WNT5A: variants seen among roughly 807,000 people sequenced by gnomAD.
WNT5A encodes the protein protein Wnt-5a.
WNT5A carries 9 observed loss-of-function variants against 42.1 expected under a neutral mutation model. The observed-to-expected ratio is 0.21, with a 90% CI of 0.13 to 0.37. The LOEUF (loss-of-function observed/expected upper bound fraction) is 0.37, where lower values mean the gene tolerates loss of function less well. Among genes scored for constraint, WNT5A ranks in the 10% least tolerant of loss-of-function variants. The pLI, the probability that WNT5A is intolerant of heterozygous loss-of-function variation, is 1.00. For missense variants in WNT5A, 426 were observed against 534.0 expected (o/e 0.80, Z 1.99); for synonymous variants, 210 against 210.0 (o/e 1.00, Z 0.00).
chr3:55,503,554 G>T, the WNT5A span, among the ~76,000 whole-genome samples: 1 of 152,220 alleles, frequency 6.6e-6, no homozygotes, highest in Admixed American at 6.5e-5. Flanking sequence ...GGTGAAGTTG[G>T]CCAGGTGTAA....
At chr3:55,472,431 T>C (rs1034504407) in intron 4 of WNT5A, among the ~76,000 whole-genome samples, 1 of 152,174 alleles carries the variant, frequency 6.6e-6, no homozygotes, top group Non-Finnish European at 1.5e-5. Flanking sequence ...TTTGAGGCAT[T>C]TCTGATCTGA....
intron 2 of WNT5A, among the ~76,000 whole-genome samples, chr3:55,479,785 CAGTT>C (rs1198735594): frequency 6.6e-6 from 1 of 152,166 alleles, no homozygotes; most frequent in Non-Finnish European, 1.5e-5. Flanking sequence ...TCTGGCTCCT[CAGTT>C]AGTATTTTCA....
chr3:55,489,293 G>GCGCGCGCACACA (rs1305251700), upstream of WNT5A: 1 of 148,590 alleles, frequency 6.7e-6, no homozygotes, highest in Admixed American at 6.7e-5. Context: ...ACACACGCGC[G>GCGCGCGCACACA]CACACACACA....
At chr3:55,478,354 G>A (rs540249955) in intron 3 of WNT5A, among the ~76,000 whole-genome samples, 3 of 151,884 alleles carry the variant, frequency 2.0e-5, no homozygotes, top group Non-Finnish European at 4.4e-5. Context: ...TGGACATTAA[G>A]CCAACTTTTC....
At chr3:55,497,804 T>C in the WNT5A span, among the ~76,000 whole-genome samples, 1 of 151,702 alleles carries the variant, frequency 6.6e-6, no homozygotes, top group Non-Finnish European at 1.5e-5. Context: ...TAGAAAAATA[T>C]GAGGAGAGAT....
chr3:55,470,335 G>A lies in WNT5A; in HGVS notation c.900C>T (p.Val300=). 1 of 1,614,074 alleles carries A rather than the reference G, an allele frequency of 6.2e-7. No homozygotes were observed. The highest frequency in any genetic ancestry group is 8.5e-7 in the Non-Finnish European group (1 of 1,179,906). The part of the protein sequence containing the change: ...RFNSPTTQDL[V]YIDPSPDYCV... The stretch of plus-strand genomic sequence containing the variant: ...AGTAGTCAGGGCTGGGGTCGATGTA[G>A]ACCAGGTCTTGTGTGGTGGGCGAGT... The change falls in exon 5 of 5, where the codon GTC becomes GTT. Residue 300 remains valine, a synonymous_variant. Coordinates refer to ENST00000264634, the MANE Select transcript of WNT5A (RefSeq NM_003392.7).
the WNT5A span, among the ~76,000 whole-genome samples, chr3:55,495,626 G>T: frequency 1.4e-4 from 22 of 152,032 alleles, no homozygotes; most frequent in African/African-American, 5.3e-4. Context: ...CATATTCATT[G>T]TAATAAATAA....
rs368370224 is a variant in WNT5A, at chr3:55,486,966, C to A, written c.6+14G>T. 6.2e-7 allele frequency: 1 copy of A among 1,610,746 alleles called. No individual in the cohort carries two copies. Among genetic ancestry groups the A allele is most frequent in the Non-Finnish European group, 8.5e-7 (1 of 1,177,652 alleles). ...GAAGTAAAGAAAAAAAGTGGCAGCG[C>A]ACTGAACACCTACCTTCATGGCGAG... On this transcript the variant is annotated intron_variant, in intron 1 of 4. Transcript: ENST00000264634.
In WNT5A at chr3:55,473,915, G is replaced by T. The variant is rs189232457; in HGVS notation, c.684+422C>A. Among the ~76,000 whole-genome samples, 80 of 152,304 alleles carry T rather than the reference G, an allele frequency of 5.3e-4. 1 individual carries two copies. The East Asian group carries it at 8.7e-3, about 17-fold the overall frequency. ...TATTTCTGTGCTCCAGTAGCCAAAG[G>T]TACCAGGGACTAACTAAGAAGGCAA... On this transcript the variant is annotated intron_variant, in intron 4 of 4. Transcript: ENST00000264634.
At chr3:55,499,157 A>ATACC in the WNT5A span, among the ~76,000 whole-genome samples, 3 of 152,260 alleles carry the variant, frequency 2.0e-5, no homozygotes, top group African/African-American at 7.2e-5. Flanking sequence ...TAAATGGAAG[A>ATACC]TACCTGTTCC....
chr3:55,500,719 G>C, the WNT5A span, among the ~76,000 whole-genome samples: 1 of 152,186 alleles, frequency 6.6e-6, no homozygotes, highest in South Asian at 2.1e-4. Flanking sequence ...CTTCCTCAGA[G>C]CTTCGTGTAC....
At chr3:55,504,552 C>T in the WNT5A span, among the ~76,000 whole-genome samples, 1,423 of 152,070 alleles carry the variant, frequency 9.4e-3, 17 homozygotes, top group Admixed American at 0.035. Flanking sequence ...CAACCTCTGC[C>T]CTCCCGGGTT....
intron 3 of WNT5A, among the ~76,000 whole-genome samples, 167 bp from the exon 4 acceptor site, chr3:55,474,796 G>C (rs1309912313): frequency 1.2e-5 from 1 of 82,200 alleles, no homozygotes; most frequent in South Asian, 6.1e-4. Flanking sequence ...GAGGTAGGGA[G>C]GGGGGAGGTA....
chr3:55,489,443 C>A (rs1007689788), upstream of WNT5A, among the ~76,000 whole-genome samples: 2 of 152,044 alleles, frequency 1.3e-5, no homozygotes, highest in African/African-American at 2.4e-5. Context: ...CCACCTCCAC[C>A]CCCACACCCC....
intron 3 of WNT5A, among the ~76,000 whole-genome samples, chr3:55,477,991 C>T (rs1021565244): frequency 2.0e-5 from 3 of 152,210 alleles, no homozygotes; most frequent in South Asian, 2.1e-4. Context: ...AGTTCCCTTA[C>T]AATATCAACA....
chr3:55,498,877 C>T, the WNT5A span, among the ~76,000 whole-genome samples: 1 of 152,068 alleles, frequency 6.6e-6, no homozygotes, highest in African/African-American at 2.4e-5. Context: ...TGGGGGGCAT[C>T]ATATAACAAA....
rs768404387 is a variant in WNT5A at position 55,474,330 on chromosome 3, C to T, written c.684+7G>A. The T allele has an allele frequency of 8.1e-6, 13 of 1,612,724 alleles. No individual in the cohort carries two copies. The highest frequency in any genetic ancestry group is 1.1e-5 in the Non-Finnish European group (13 of 1,179,766). ...GATGCGGGGCGGGGGCGAGACGCGG[C>T]ACTCACCCTGCGGCCGGCCTCGTTG... On this transcript the variant is annotated splice_region_variant and intron_variant, in intron 4 of 4. Coordinates refer to ENST00000264634, the MANE Select transcript of WNT5A (RefSeq NM_003392.7).
At chr3:55,500,100 T>C in the WNT5A span, among the ~76,000 whole-genome samples, 1 of 152,196 alleles carries the variant, frequency 6.6e-6, no homozygotes, top group East Asian at 1.9e-4. Flanking sequence ...GCCACAGAGT[T>C]GGGCAAAAAT....
chr3:55,474,971 C>G (rs1456368731), intron 3 of WNT5A, among the ~76,000 whole-genome samples: 1 of 151,490 alleles, frequency 6.6e-6, no homozygotes, highest in Non-Finnish European at 1.5e-5. Flanking sequence ...GGTAAAAGCT[C>G]GGGCTGCCCC....
Sources: allele counts gnomAD v4.1 joint callset (sites outside exome capture counted in the v4.1 genomes callset), GRCh38; gene constraint gnomAD v4.1.1; transcripts MANE v1.5; gene names NCBI Gene and HGNC (gene_info 2026-07-23, HGNC 2026-07-21).